The following GGNBP2 variants were observed in gnomAD, a reference collection of about 807,000 sequenced individuals.
The protein encoded by GGNBP2 is gametogenetin binding protein 2, also known as gametogenetin-binding protein 2.
GGNBP2 carries 10 observed loss-of-function variants against 85.9 expected under a neutral mutation model. The ratio of observed to expected loss-of-function variants is 0.12; its 90% confidence interval spans 0.07 to 0.20. GGNBP2 has a LOEUF of 0.20. GGNBP2 is among the 10% of genes least tolerant of loss of function. GGNBP2 has a pLI of 1.00. For missense variants in GGNBP2, 595 were observed against 857.8 expected, an observed-to-expected ratio of 0.69 and a Z score of 3.83; for synonymous variants, 287 against 285.7, an observed-to-expected ratio of 1.00 and a Z score of -0.05.
chr17:36,580,759 A>G (rs886451684), intron 8 of GGNBP2, among the ~76,000 whole-genome samples: 4 of 151,674 alleles, frequency 2.6e-5, no homozygotes, highest in African/African-American at 9.7e-5. Context: ...GTCTCTACTA[A>G]ATATACAAAA....
rs2074622000 is a variant in GGNBP2 at position 36,579,334 on chromosome 17, G to A, written c.935G>A (p.Arg312Gln). The A allele has an allele frequency of 6.2e-7, 1 of 1,614,146 alleles. No homozygotes were observed. The change falls in exon 8 of 14, where the codon CGA becomes CAA. Residue 312 changes from arginine (R) to glutamine (Q), a missense_variant. Physicochemically the swap from Arg to Gln is conservative, Grantham distance 43 (BLOSUM62 1). Coordinates refer to ENST00000613102, the MANE Select transcript of GGNBP2 (RefSeq NM_024835.5). ...LGIHLYERLH[R>Q]IWQKLRAEEQ... is the part of the protein sequence containing the mutation. ...ATTCATCTTTATGAAAGACTGCATC[G>A]AATCTGGCAGAAGCTACGGGCAGAA... is the stretch of plus-strand genomic sequence containing the variant.
intron 6 of GGNBP2, chr17:36,574,779 G>T (rs2074559882): frequency 9.3e-6 from 6 of 648,356 alleles, no homozygotes; most frequent in Non-Finnish European, 1.7e-5. Context: ...ACAGAGCCGT[G>T]GTGGCCTGTC....
intron 2 of GGNBP2, among the ~76,000 whole-genome samples, chr17:36,554,308 C>CAA (rs34134532): frequency 0.017 from 1,027 of 59,294 alleles, 57 homozygotes; most frequent in East Asian, 0.091. Flanking sequence ...GACTCCGTCT[C>CAA]AAAAAAAAAA....
At position 36,545,614 on chromosome 17, in the gene GGNBP2, T is replaced by C. The variant is rs1429207827; in HGVS notation, c.-106-5T>C. 9 of 799,146 alleles carry C rather than the reference T, an allele frequency of 1.1e-5. No individual in the cohort carries two copies. The highest frequency in any genetic ancestry group is 6.3e-5 in the South Asian group (4 of 63,160). 49.5% of individuals were successfully genotyped at this position (799,146 alleles called of 1,614,324 possible). On this transcript the variant is annotated splice_region_variant and splice_polypyrimidine_tract_variant and intron_variant, in intron 1 of 13. Coordinates refer to ENST00000613102, the MANE Select transcript of GGNBP2 (RefSeq NM_024835.5). ...GCTTACGCTCGCGGGGTTTGGCTGTTGCAGGCAGGAGCTGGGAGGAGGCGG... is the reference window on the plus strand; with the variant it reads ...GCTTACGCTCGCGGGGTTTGGCTGTCGCAGGCAGGAGCTGGGAGGAGGCGG...
In GGNBP2 at chr17:36,586,986, T is replaced by A; in HGVS notation, c.1642-11T>A. 6.2e-7 allele frequency: 1 copy of A among 1,610,932 alleles called. No individual in the cohort carries two copies. Among genetic ancestry groups the A allele is most frequent in the Non-Finnish European group, 8.5e-7 (1 of 1,177,702 alleles). ...CCTTTTTACCTGTGAAATCCTTTGC[T>A]GTGGTATCAGATCCAGAAGCTTGGA... On this transcript the variant is annotated splice_polypyrimidine_tract_variant and intron_variant, in intron 12 of 13. Transcript: ENST00000613102.
chr17:36,555,576 G>A (rs1034819814), intron 3 of GGNBP2, among the ~76,000 whole-genome samples: 4 of 152,102 alleles, frequency 2.6e-5, no homozygotes, highest in Admixed American at 6.6e-5. Flanking sequence ...TGTGCCTGGG[G>A]TCCCAGCTCC....
At chr17:36,571,278 G>A (rs1178505858) in intron 6 of GGNBP2, among the ~76,000 whole-genome samples, 1 of 152,090 alleles carries the variant, frequency 6.6e-6, no homozygotes, top group East Asian at 1.9e-4. Flanking sequence ...AAGGCTGAGT[G>A]TGGTGGCTCA....
At chr17:36,588,345 CCTCCCAGG>C (rs1359620997) in intron 13 of GGNBP2, among the ~76,000 whole-genome samples, 1 of 152,002 alleles carries the variant, frequency 6.6e-6, no homozygotes, top group African/African-American at 2.4e-5. Flanking sequence ...GCAACCTCCG[CCTCCCAGG>C]TTCAAGCGAT....
rs199797992 is a variant in GGNBP2 at position 36,581,544 on chromosome 17, A to G, written c.1215+6A>G. On this transcript the variant is annotated splice_donor_region_variant and intron_variant, in intron 9 of 13. Transcript: ENST00000613102. ...AGGAAGTAAGCCAAGAGAAGGTAAT[A>G]TTTCTTAATATCAACTCTTAAGTGT... 3 of 1,587,804 alleles carry G rather than the reference A, an allele frequency of 1.9e-6. No homozygotes were observed. In the African/African-American group the frequency reaches 4.1e-5, roughly 21 times the overall value.
chr17:36,558,433 A>C (rs977737623), intron 4 of GGNBP2, among the ~76,000 whole-genome samples: 1 of 149,632 alleles, frequency 6.7e-6, no homozygotes, highest in African/African-American at 2.4e-5. Context: ...AAAAAAAAAA[A>C]AAAAAGGTAA....
chr17:36,574,980 G>A lies in GGNBP2; in HGVS notation c.642-3003G>A, dbSNP rs180943532. On this transcript the variant is annotated intron_variant, in intron 6 of 13. Coordinates refer to ENST00000613102, the MANE Select transcript of GGNBP2 (RefSeq NM_024835.5). Reference sequence around the variant, plus strand: ...GCAACAAACATCTTGAACCTGGTGCGCTGGCCGGCACGGGTCTGCTTCTGC... The same window carrying A: ...GCAACAAACATCTTGAACCTGGTGCACTGGCCGGCACGGGTCTGCTTCTGC... 23 of 1,515,130 alleles carry A rather than the reference G, an allele frequency of 1.5e-5. No individual in the cohort carries two copies. In the East Asian group the frequency reaches 4.5e-4, roughly 30 times the overall value. 93.9% of individuals were successfully genotyped at this position (1,515,130 alleles called of 1,614,324 possible).
chr17:36,589,075 A>C, intron 13 of GGNBP2, 133 bp from the exon 14 acceptor site: 1 of 657,400 alleles, frequency 1.5e-6, no homozygotes, highest in Non-Finnish European at 2.7e-6. Context: ...TTCTGCAAAC[A>C]CTCCAATTAA....
At chr17:36,550,382 A>T (rs556964760) in intron 2 of GGNBP2, among the ~76,000 whole-genome samples, 2 of 152,120 alleles carry the variant, frequency 1.3e-5, no homozygotes, top group South Asian at 4.2e-4. Flanking sequence ...AGAGTTCTTA[A>T]TGTCTTACAC....
At chr17:36,573,964 G>T (rs1294556442) in intron 6 of GGNBP2, among the ~76,000 whole-genome samples, 1 of 152,006 alleles carries the variant, frequency 6.6e-6, no homozygotes, top group Non-Finnish European at 1.5e-5. Flanking sequence ...TTTAAATTAA[G>T]CTATTTTTTT....
chr17:36,582,210 A>G (rs937730560), intron 9 of GGNBP2: 1 of 151,944 alleles, frequency 6.6e-6, no homozygotes, highest in African/African-American at 2.4e-5. Context: ...CTAAATTATA[A>G]TACCTAATGC....
intron 2 of GGNBP2, among the ~76,000 whole-genome samples, chr17:36,548,635 A>AAAAAAAAAAAAAG (rs2074277947): frequency 2.9e-5 from 4 of 135,612 alleles, no homozygotes; most frequent in Non-Finnish European, 6.7e-5. Context: ...AAAAAAAAAA[A>AAAAAAAAAAAAAG]AAAAAAAAAA....
At chr17:36,565,009 G>A (rs1213024063) in intron 5 of GGNBP2, among the ~76,000 whole-genome samples, 3 of 152,142 alleles carry the variant, frequency 2.0e-5, no homozygotes, top group Non-Finnish European at 2.9e-5. Flanking sequence ...CACCTAAAGG[G>A]AAAGAGAGTA....
At position 36,578,230 on chromosome 17, in the gene GGNBP2, CT is replaced by C. The variant is rs780061929; in HGVS notation, c.845+46del. On this transcript the variant is annotated intron_variant, in intron 7 of 13. Coordinates refer to ENST00000613102, the MANE Select transcript of GGNBP2 (RefSeq NM_024835.5). Reference sequence around the variant, plus strand: ...CTAGAATGGGCTATCTAGCGCTTTGCTTCATTTTATTACTGAAAGTTTATTT... The same window carrying C: ...CTAGAATGGGCTATCTAGCGCTTTGCTCATTTTATTACTGAAAGTTTATTT... The C allele has an allele frequency of 7.7e-6, 11 of 1,433,840 alleles. No individual in the cohort carries two copies. The South Asian group carries it at 1.2e-4, about 16-fold the overall frequency. 88.8% of individuals were successfully genotyped at this position (1,433,840 alleles called of 1,614,324 possible).
In GGNBP2 at chr17:36,579,257, G is replaced by A. The variant is rs2074621310; in HGVS notation, c.858G>A (p.Arg286=). 6.2e-7 allele frequency: 1 copy of A among 1,613,816 alleles called. No individual in the cohort carries two copies. The highest frequency in any genetic ancestry group is 1.3e-5 in the African/African-American group (1 of 74,940). Residue 286 remains arginine, a synonymous_variant, in exon 8 of 14, where the codon AGG becomes AGA. Coordinates refer to ENST00000613102, the MANE Select transcript of GGNBP2 (RefSeq NM_024835.5). The part of the protein sequence containing the change: ...EPEFAGGRRE[R]HAKTIDIAQE... ...TTCCCTTTTATAGGCGAAGAGAAAGGCATGCAAAGACAATAGATATAGCTC... is the reference window on the plus strand; with the variant it reads ...TTCCCTTTTATAGGCGAAGAGAAAGACATGCAAAGACAATAGATATAGCTC...
Sources: gnomAD v4.1 joint callset for allele counts (sites outside exome capture counted in the v4.1 genomes callset) on GRCh38, gnomAD v4.1.1 for gene constraint, MANE v1.5 for transcripts, NCBI Gene and HGNC (gene_info 2026-07-23, HGNC 2026-07-21) for gene names.